ROBO2: variants seen among roughly 807,000 people sequenced by gnomAD.
ROBO2 encodes the protein roundabout guidance receptor 2.
In ROBO2, 53 loss-of-function variants were observed where a neutral mutation model predicts 160.8. The observed-to-expected ratio is 0.33, with a 90% CI of 0.26 to 0.41. The LOEUF (loss-of-function observed/expected upper bound fraction) is 0.41. Among genes scored for constraint, ROBO2 ranks in the 10% least tolerant of loss-of-function variants. ROBO2 has a pLI of 1.00. For synonymous variants in ROBO2, 664 were observed against 611.7 expected, an observed-to-expected ratio of 1.09 and a Z score of -1.26; for missense variants, 1,577 against 1,722.4, an observed-to-expected ratio of 0.92 and a Z score of 1.49.
At chr3:76,401,700 C>T (rs2077826384) in intron 2 of ROBO2, among the ~76,000 whole-genome samples, 1 of 150,810 alleles carries the variant, frequency 6.6e-6, no homozygotes, top group South Asian at 2.1e-4. Flanking sequence ...TCTTGTTTTA[C>T]AGGTAAGGGA....
At chr3:76,079,775 A>G (rs1476089587) in intron 2 of ROBO2, among the ~76,000 whole-genome samples, 2 of 152,132 alleles carry the variant, frequency 1.3e-5, no homozygotes, top group African/African-American at 2.4e-5. Flanking sequence ...AGGTTTTTGA[A>G]TGAAGTAAAG....
At chr3:76,316,206 A>G (rs1019275924) in intron 2 of ROBO2, among the ~76,000 whole-genome samples, 10 of 152,140 alleles carry the variant, frequency 6.6e-5, no homozygotes, top group African/African-American at 2.2e-4. Flanking sequence ...GAAATTTACC[A>G]GGGCTGGTGT....
At chr3:76,424,495 A>G (rs1459061236) in intron 2 of ROBO2, among the ~76,000 whole-genome samples, 3 of 152,178 alleles carry the variant, frequency 2.0e-5, no homozygotes, top group African/African-American at 7.2e-5. Context: ...GGTTGCTGCC[A>G]GGAGCTGGGG....
rs183678359 is a variant in ROBO2, at chr3:75,974,565, A to G, written c.109+36963A>G. Among the ~76,000 whole-genome samples, 243 of 151,762 alleles carry G rather than the reference A, an allele frequency of 1.6e-3. 1 individual carries two copies. Among genetic ancestry groups the G allele is most frequent in the African/African-American group, 5.5e-3 (230 of 41,488 alleles). ...ACTGTTGGTATCAACAGACAATTTA[A>G]CTTTATGAATTATGGCTTGTCTTGT... is the stretch of plus-strand genomic sequence containing the variant. On this transcript the variant is annotated intron_variant, in intron 2 of 26. Transcript: ENST00000487694.
chr3:75,953,073 T>A (rs1948607730), intron 2 of ROBO2, among the ~76,000 whole-genome samples: 1 of 151,948 alleles, frequency 6.6e-6, no homozygotes, highest in Non-Finnish European at 1.5e-5. Flanking sequence ...TCCTATAACA[T>A]TCATGGGAAG....
chr3:76,052,510 A>G (rs908329211), intron 2 of ROBO2, among the ~76,000 whole-genome samples: 1 of 151,908 alleles, frequency 6.6e-6, no homozygotes, highest in African/African-American at 2.4e-5. Flanking sequence ...GTTAAACTGC[A>G]TGATACACAT....
intron 2 of ROBO2, among the ~76,000 whole-genome samples, chr3:76,350,398 A>G (rs570339344): frequency 6.6e-6 from 1 of 152,174 alleles, no homozygotes; most frequent in African/African-American, 2.4e-5. Flanking sequence ...ATCCAGGCTT[A>G]GCACTTTGAA....
chr3:77,082,496 G>C (rs1367147727), intron 1 of ROBO2, among the ~76,000 whole-genome samples: 1 of 152,042 alleles, frequency 6.6e-6, no homozygotes, highest in African/African-American at 2.4e-5. Context: ...AAAGAAATTA[G>C]TTGGTTGTAA....
At chr3:77,265,333 C>T (rs2059054889) in intron 2 of ROBO2, among the ~76,000 whole-genome samples, 2 of 152,152 alleles carry the variant, frequency 1.3e-5, no homozygotes, top group African/African-American at 2.4e-5. Context: ...CACTAGCCTC[C>T]TTATTTCGTA....
Position 75,927,976 on chromosome 3 carries a change from CT to C in ROBO2, c.-13-9479del, listed in dbSNP as rs71101865. ...TAGCCTTTCTTTAATGATTTTCTCT[CT>C]TTTTTTTTTTTTTTTTTTTTTTTTT... On this transcript the variant is annotated intron_variant, in intron 1 of 26. Transcript: ENST00000487694. Among the ~76,000 whole-genome samples the C allele has an allele frequency of 2.5e-4, 26 of 103,992 alleles. 1 individual carries two copies. Among genetic ancestry groups the C allele is most frequent in the East Asian group, 1.4e-3 (4 of 2,906 alleles). 68.2% of individuals were successfully genotyped at this position (103,992 alleles called of 152,430 possible). A position where few individuals can be genotyped will look rare whatever the true frequency, so the allele number is the denominator to read the frequency against.
chr3:77,384,902 G>A (rs972264066), intron 2 of ROBO2, among the ~76,000 whole-genome samples: 1 of 152,126 alleles, frequency 6.6e-6, no homozygotes, highest in East Asian at 1.9e-4. Context: ...TGATTTCAAA[G>A]CTGTTGAGTT....
chr3:76,689,840 T>C (rs2092763847), intron 2 of ROBO2, among the ~76,000 whole-genome samples: 2 of 152,198 alleles, frequency 1.3e-5, no homozygotes, highest in African/African-American at 4.8e-5. Context: ...TAGTCAGTTC[T>C]GTCTACCAAA....
intron 2 of ROBO2, among the ~76,000 whole-genome samples, chr3:76,761,443 A>T (rs917787308): frequency 2.0e-5 from 3 of 151,686 alleles, no homozygotes; most frequent in Non-Finnish European, 4.4e-5. Context: ...ATTCCTTTTC[A>T]GCCTCAAAAG....
At chr3:76,497,022 T>A (rs1577648164) in intron 2 of ROBO2, among the ~76,000 whole-genome samples, 1 of 152,172 alleles carries the variant, frequency 6.6e-6, no homozygotes, top group Non-Finnish European at 1.5e-5. Context: ...AAGAAGCAAG[T>A]CTTTAAAAGG....
intron 2 of ROBO2, among the ~76,000 whole-genome samples, chr3:76,348,581 C>G (rs2074679346): frequency 6.6e-6 from 1 of 152,072 alleles, no homozygotes; most frequent in African/African-American, 2.4e-5. Context: ...CCCCCAAGAA[C>G]ATCATGGCAC....
intron 2 of ROBO2, among the ~76,000 whole-genome samples, chr3:76,934,935 T>C (rs1286699137): frequency 6.6e-6 from 1 of 151,466 alleles, no homozygotes; most frequent in African/African-American, 2.4e-5. Context: ...TTACTTTATT[T>C]TGAAATAATT....
intron 2 of ROBO2, among the ~76,000 whole-genome samples, chr3:76,308,426 T>A: frequency 6.7e-6 from 1 of 148,552 alleles, no homozygotes; most frequent in African/African-American, 2.5e-5. Flanking sequence ...GAAAAAAGAA[T>A]TATTCCTACT....
At chr3:76,141,060 C>CATTATATATATATATATATATAT (rs1553656031) in intron 2 of ROBO2, among the ~76,000 whole-genome samples, 3 of 53,576 alleles carry the variant, frequency 5.6e-5, no homozygotes, top group African/African-American at 2.1e-4. Context: ...TTTTTACATA[C>CATTATATATATATATATATATAT]ATATATATAT....
In ROBO2 at chr3:77,423,075, G is replaced by A. The variant is rs2077856764; in HGVS notation, c.389-54339G>A. 1.3e-5 allele frequency among the ~76,000 whole-genome samples: 2 copies of A among 152,124 alleles called. 1 individual carries two copies. Among genetic ancestry groups the A allele is most frequent in the Admixed American group, 1.3e-4 (2 of 15,278 alleles). ...CTGGGATCAGATGCAGTATAATGCT[G>A]TGCTAATATAAATAACTATTTTTTC... On this transcript the variant is annotated intron_variant, in intron 2 of 25. Coordinates refer to ENST00000461745, the Ensembl canonical transcript of ROBO2.
Sources: allele counts gnomAD v4.1 joint callset (sites outside exome capture counted in the v4.1 genomes callset), GRCh38; gene constraint gnomAD v4.1.1; transcripts MANE v1.5; gene names NCBI Gene and HGNC (gene_info 2026-07-23, HGNC 2026-07-21).